PPP1R21: variants seen among roughly 807,000 people sequenced by gnomAD.
PPP1R21 encodes the protein KLRAQ motif containing 1.
A neutral mutation model predicts 112.8 loss-of-function variants in PPP1R21; 85 were observed. The ratio of observed to expected loss-of-function variants is 0.75; its 90% CI spans 0.63 to 0.90. The LOEUF (loss-of-function observed/expected upper bound fraction) is 0.90, where lower values mean the gene tolerates loss of function less well. PPP1R21 is among the 40% of genes least tolerant of loss of function. The pLI, the probability that PPP1R21 is intolerant of heterozygous loss-of-function variation, is 0.00. For missense variants in PPP1R21, 1,199 were observed against 901.5 expected (o/e 1.33, Z -4.23); for synonymous variants, 381 against 322.3 (o/e 1.18, Z -1.95).
chr2:48,462,400 T>C (rs923839661), intron 7 of PPP1R21, among the ~76,000 whole-genome samples: 3 of 152,154 alleles, frequency 2.0e-5, no homozygotes, highest in Non-Finnish European at 4.4e-5. Flanking sequence ...ATAAAGAACC[T>C]CCTGGGGTTT....
intron 3 of PPP1R21, among the ~76,000 whole-genome samples, chr2:48,455,851 A>G (rs1300527795): frequency 6.6e-6 from 1 of 151,920 alleles, no homozygotes; most frequent in Non-Finnish European, 1.5e-5. Flanking sequence ...TGTCTCTACT[A>G]AAAATAGAAA....
intron 1 of PPP1R21, among the ~76,000 whole-genome samples, chr2:48,441,819 A>G (rs1236233983): frequency 6.6e-6 from 1 of 152,226 alleles, no homozygotes; most frequent in Admixed American, 6.5e-5. Context: ...ATCTTTGGAA[A>G]TTGATTCAAC....
At chr2:48,464,584 G>A (rs1398743614) in intron 7 of PPP1R21, among the ~76,000 whole-genome samples, 1 of 152,188 alleles carries the variant, frequency 6.6e-6, no homozygotes, top group African/African-American at 2.4e-5. Context: ...TAGCGTGGCG[G>A]CTTTGTGGAG....
chr2:48,455,390 G>A (rs1375190850), intron 3 of PPP1R21, among the ~76,000 whole-genome samples: 1 of 151,316 alleles, frequency 6.6e-6, no homozygotes, highest in African/African-American at 2.4e-5. Context: ...TGGTCTGCTC[G>A]CCTCAGCCTC....
At chr2:48,496,215 G>GA (rs554785053) in intron 16 of PPP1R21, among the ~76,000 whole-genome samples, 28 of 148,854 alleles carry the variant, frequency 1.9e-4, no homozygotes, top group African/African-American at 3.2e-4. Flanking sequence ...AGAAAAAAAG[G>GA]AAAAAAAAAA....
At chr2:48,503,188 A>C (rs1168893326) in intron 17 of PPP1R21, among the ~76,000 whole-genome samples, 1 of 152,212 alleles carries the variant, frequency 6.6e-6, no homozygotes, top group East Asian at 1.9e-4. Context: ...TAGAATTTTT[A>C]AACATATATT....
chr2:48,498,618 T>C lies in PPP1R21; in HGVS notation c.1818T>C (p.Asn606=), dbSNP rs145955884. 1,201 of 1,614,220 alleles carry C rather than the reference T, an allele frequency of 7.4e-4. 3 individuals are homozygous for C. In the African/African-American group the frequency reaches 0.012, roughly 16 times the overall value. ...ENQRIADKLK[N]TGSAQLVGLA... ...AGCGAATTGCAGATAAGCTGAAGAA[T>C]ACAGGTAGTGCCCAGCTGGTTGGGC... The change falls in exon 17 of 22, where the codon AAT becomes AAC. Residue 606 remains asparagine, a synonymous_variant. Coordinates refer to ENST00000294952, the MANE Select transcript of PPP1R21 (RefSeq NM_001135629.3).
chr2:48,491,860 G>A (rs1215572614), intron 15 of PPP1R21, among the ~76,000 whole-genome samples: 2 of 151,692 alleles, frequency 1.3e-5, no homozygotes, highest in African/African-American at 4.8e-5. Context: ...GAAAGAAATA[G>A]GAATAATAAA....
intron 21 of PPP1R21, among the ~76,000 whole-genome samples, chr2:48,513,846 C>A (rs979959676): frequency 1.3e-5 from 2 of 151,930 alleles, no homozygotes; most frequent in Non-Finnish European, 2.9e-5. Context: ...AAGAAGGGAG[C>A]CTCTCCAGAA....
intron 13 of PPP1R21, 82 bp from the exon 14 acceptor site, chr2:48,486,549 G>T: frequency 9.5e-7 from 1 of 1,049,336 alleles, no homozygotes; most frequent in East Asian, 2.4e-5. Flanking sequence ...TAGAAGAATA[G>T]ATAGGAGAAG....
chr2:48,507,332 C>CT lies in PPP1R21; in HGVS notation c.2034dup (p.Thr679TyrfsTer8). 2 of 1,595,770 alleles carry CT rather than the reference C, an allele frequency of 1.3e-6. No homozygotes were observed. The highest frequency in any genetic ancestry group is 1.7e-6 in the Non-Finnish European group (2 of 1,174,064). ...TCACTACATGGCAAGGATAGTGGAA[C>CT]TTACGTCTCAGTTGCAGCTGGCTGA... On this transcript the variant is annotated frameshift_variant, in exon 19 of 22. Coordinates refer to ENST00000294952, the MANE Select transcript of PPP1R21 (RefSeq NM_001135629.3). LOFTEE classifies it high-confidence loss of function.
At position 48,465,637 on chromosome 2, in the gene PPP1R21, C is replaced by G. The variant is rs781301274; in HGVS notation, c.892C>G (p.Gln298Glu). ...CATTGACACTATATCTCCATTGAAT[C>G]AGAAGGTAAATTTAATTCAGGATAC... Reference protein sequence around the residue: ...SAIDTISPLNQKFSQYLHENA... With the variant: ...SAIDTISPLNEKFSQYLHENA... Residue 298 changes from glutamine (Q) to glutamate (E), a missense_variant, in exon 9 of 22, where the codon CAG (glutamine) becomes GAG (glutamate). By Grantham distance (29) the Gln-to-Glu change is conservative. Transcript: ENST00000294952. 69 of 1,608,798 alleles carry G rather than the reference C, an allele frequency of 4.3e-5. No individual in the cohort carries two copies. The highest frequency in any genetic ancestry group is 5.5e-5 in the Non-Finnish European group (65 of 1,178,652).
At chr2:48,488,368 C>CTT (rs988826349) in intron 14 of PPP1R21, among the ~76,000 whole-genome samples, 6 of 141,610 alleles carry the variant, frequency 4.2e-5, no homozygotes, top group Non-Finnish European at 6.2e-5. Context: ...TATTTGCCAA[C>CTT]TTTTTTTTTT....
chr2:48,501,130 T>A (rs943507603), intron 17 of PPP1R21, among the ~76,000 whole-genome samples: 6 of 152,180 alleles, frequency 3.9e-5, no homozygotes, highest in Admixed American at 6.5e-5. Context: ...GGTTTAGCAT[T>A]TAGCTACGGT....
At chr2:48,462,407 G>A (rs1053540726) in intron 7 of PPP1R21, among the ~76,000 whole-genome samples, 1 of 152,208 alleles carries the variant, frequency 6.6e-6, no homozygotes, top group Admixed American at 6.5e-5. Flanking sequence ...ACCTCCTGGG[G>A]TTTCAGAGAA....
intron 3 of PPP1R21, chr2:48,457,873 G>A: frequency 2.6e-6 from 1 of 386,040 alleles, no homozygotes; most frequent in East Asian, 6.4e-5. Flanking sequence ...GAATTCATCT[G>A]CAAAGAATAG....
chr2:48,448,744 A>G (rs1197652195), intron 1 of PPP1R21, among the ~76,000 whole-genome samples: 1 of 152,262 alleles, frequency 6.6e-6, no homozygotes, highest in East Asian at 1.9e-4. Flanking sequence ...AGAACACTAC[A>G]TCATGGAAGT....
intron 18 of PPP1R21, 96 bp downstream of exon 18, chr2:48,505,692 T>A: frequency 9.3e-7 from 1 of 1,078,762 alleles, no homozygotes; most frequent in Non-Finnish European, 1.4e-6. Flanking sequence ...CTAATTGTTG[T>A]TGTTGTTTTT....
Position 48,471,276 on chromosome 2 carries a change from C to A in PPP1R21, c.1000-3C>A. 1 of 1,609,112 alleles carries A rather than the reference C, an allele frequency of 6.2e-7. No homozygotes were observed. The highest frequency in any genetic ancestry group is 8.5e-7 in the Non-Finnish European group (1 of 1,177,970). ...TAACCTTGAAATTATTTTTCTTTTC[C>A]AGGAGACAACTGTGAAATTGAAAAC... On this transcript the variant is annotated splice_region_variant and splice_polypyrimidine_tract_variant and intron_variant, in intron 10 of 21. Coordinates refer to ENST00000294952, the MANE Select transcript of PPP1R21 (RefSeq NM_001135629.3).
Sources: gnomAD v4.1 joint callset for allele counts (sites outside exome capture counted in the v4.1 genomes callset) on GRCh38, gnomAD v4.1.1 for gene constraint, MANE v1.5 for transcripts, NCBI Gene and HGNC (gene_info 2026-07-23, HGNC 2026-07-21) for gene names.